The following BPTF variants were observed in gnomAD, a reference collection of about 807,000 sequenced individuals.
The protein encoded by BPTF is nucleosome-remodeling factor subunit BPTF.
BPTF carries 18 observed loss-of-function variants against 292.5 expected under a neutral mutation model. The ratio of observed to expected loss-of-function variants is 0.06; its 90% CI spans 0.04 to 0.09. The LOEUF (loss-of-function observed/expected upper bound fraction) is 0.09. BPTF is among the 10% of genes least tolerant of loss of function. The probability of loss-of-function intolerance (pLI) is 1.00; values close to 1 mark genes in which losing one functional copy is unlikely to be tolerated. For synonymous variants in BPTF, 1,225 were observed against 1,251.9 expected (o/e 0.98, Z 0.45); for missense variants, 2,726 against 3,498.7 (o/e 0.78, Z 5.57).
At chr17:67,856,244 T>C (rs867330048) in intron 2 of BPTF, among the ~76,000 whole-genome samples, 1 of 152,164 alleles carries the variant, frequency 6.6e-6, no homozygotes, top group South Asian at 2.1e-4. Context: ...AACCCTGTTA[T>C]CCAGTTTTTC....
At chr17:67,962,123 A>C (rs2067568505) in intron 24 of BPTF, among the ~76,000 whole-genome samples, 1 of 115,934 alleles carries the variant, frequency 8.6e-6, no homozygotes, top group Non-Finnish European at 2.1e-5. Context: ...AGCCTGGGCT[A>C]TACAGCGAGA....
intron 1 of BPTF, among the ~76,000 whole-genome samples, chr17:67,847,594 G>A (rs1018437887): frequency 6.7e-6 from 1 of 149,488 alleles, no homozygotes; most frequent in African/African-American, 2.5e-5. Flanking sequence ...AGAATGGCTT[G>A]AACCCAGGAG....
chr17:67,906,524 G>A lies in BPTF; in HGVS notation c.2812+1684G>A, dbSNP rs548636408. On this transcript the variant is annotated intron_variant, in intron 9 of 27. Transcript: ENST00000306378. Reference sequence around the variant, plus strand: ...AATGAGCCGATTATTTCACGAGGGTGCCAGGTGACATAGTGAAGACCACAT... The same window carrying A: ...AATGAGCCGATTATTTCACGAGGGTACCAGGTGACATAGTGAAGACCACAT... 1.4e-4 allele frequency among the ~76,000 whole-genome samples: 21 copies of A among 152,288 alleles called. 1 individual carries two copies. In the East Asian group the frequency reaches 3.7e-3, roughly 27 times the overall value.
chr17:67,892,128 T>G (rs2061155465), intron 5 of BPTF, 94 bp downstream of exon 5: 1 of 933,158 alleles, frequency 1.1e-6, no homozygotes, highest in African/African-American at 1.7e-5. Context: ...TTGTAGAAAT[T>G]TGTAGACCTA....
At chr17:67,842,015 G>A (rs1045805529) in intron 1 of BPTF, among the ~76,000 whole-genome samples, 3 of 151,964 alleles carry the variant, frequency 2.0e-5, no homozygotes, top group Non-Finnish European at 2.9e-5. Flanking sequence ...CTTAGAGTTA[G>A]CATTTTACCT....
At chr17:67,944,763 T>A (rs1329682417) in intron 20 of BPTF, among the ~76,000 whole-genome samples, 1 of 152,196 alleles carries the variant, frequency 6.6e-6, no homozygotes, top group African/African-American at 2.4e-5. Context: ...TTTGTTGACC[T>A]TCTGCTGCAA....
intron 7 of BPTF, among the ~76,000 whole-genome samples, chr17:67,901,600 A>G (rs2061847221): frequency 1.3e-5 from 2 of 152,376 alleles, no homozygotes; most frequent in East Asian, 3.8e-4. Flanking sequence ...TACAAACAAG[A>G]CAAAGGATTT....
At chr17:67,882,430 C>CA (rs2060482710) in intron 4 of BPTF, among the ~76,000 whole-genome samples, 1 of 152,156 alleles carries the variant, frequency 6.6e-6, no homozygotes, top group South Asian at 2.1e-4. Context: ...TCTTTGTTTA[C>CA]ATTTGTATAT....
At chr17:67,875,731 C>G (rs1204715903) in intron 4 of BPTF, 1 of 1,592,570 alleles carries the variant, frequency 6.3e-7, no homozygotes, top group Non-Finnish European at 8.5e-7. Context: ...CTGAGCTCCC[C>G]CAGGATGTGC....
chr17:67,895,869 C>A (rs934639699), intron 7 of BPTF, among the ~76,000 whole-genome samples: 2 of 148,134 alleles, frequency 1.4e-5, no homozygotes, highest in Non-Finnish European at 3.1e-5. Context: ...AGACTTTTAC[C>A]CTGTGTACAT....
chr17:67,964,537 A>G lies in BPTF; in HGVS notation c.8454+133A>G. 1.8e-5 allele frequency: 19 copies of G among 1,080,620 alleles called. No homozygotes were observed. In the South Asian group the frequency reaches 3.3e-4, roughly 19 times the overall value. The allele number at this position is 1,080,620 out of a possible 1,614,324, so 66.9% of individuals were successfully genotyped here. ...CCCAGCTAGTCTAGTGAAGTGCCTA[A>G]CAAACTGCAGTCCTTCACGTACCAG... On this transcript the variant is annotated intron_variant, in intron 25 of 27. Coordinates refer to ENST00000306378, the MANE Select transcript of BPTF (RefSeq NM_182641.4).
Position 67,964,130 on chromosome 17 carries a change from G to C in BPTF, c.8262-82G>C. 2.1e-6 allele frequency: 3 copies of C among 1,422,682 alleles called. No homozygotes were observed. The East Asian group carries it at 6.9e-5, about 33-fold the overall frequency. 88.1% of individuals were successfully genotyped at this position (1,422,682 alleles called of 1,614,324 possible). A position where few individuals can be genotyped will look rare whatever the true frequency, so the allele number is the denominator to read the frequency against. On this transcript the variant is annotated intron_variant, in intron 24 of 27. Coordinates refer to ENST00000306378, the MANE Select transcript of BPTF (RefSeq NM_182641.4). ...AAACTATTTTATATCCCAGGGTTTA[G>C]CAAATTTTCAGGTGCATGCTTTATT...
chr17:67,978,657 T>C (rs2069885930), intron 27 of BPTF, among the ~76,000 whole-genome samples: 2 of 152,118 alleles, frequency 1.3e-5, no homozygotes, highest in East Asian at 1.9e-4. Flanking sequence ...TGAGAATTAC[T>C]CTGACCCAAG....
intron 20 of BPTF, 132 bp downstream of exon 20, chr17:67,944,504 T>C (rs1281332613): frequency 3.0e-6 from 3 of 989,554 alleles, no homozygotes; most frequent in East Asian, 5.1e-5. Flanking sequence ...ACAGTTGACA[T>C]AGTCAGCCTC....
At chr17:67,888,585 G>A (rs8082661) in intron 4 of BPTF, among the ~76,000 whole-genome samples, 27,188 of 117,106 alleles carry the variant, frequency 0.23, 3,391 homozygotes, top group East Asian at 0.67. Flanking sequence ...ACGAGACTCC[G>A]TCTCAAAAAA....
intron 23 of BPTF, chr17:67,951,364 CAGGG>C (rs2066341063): frequency 6.6e-6 from 1 of 152,086 alleles, no homozygotes; most frequent in Non-Finnish European, 1.5e-5. Flanking sequence ...TGCTGGGAAA[CAGGG>C]AGGAAGATCA....
At chr17:67,909,450 T>C in intron 9 of BPTF, 132 bp from the exon 10 acceptor site, 3 of 443,340 alleles carry the variant, frequency 6.8e-6, no homozygotes, top group African/African-American at 2.1e-5. Flanking sequence ...ACCTTTGTCT[T>C]TTTTTTTTTT....
At chr17:67,868,229 ATCTC>A (rs2059502936) in intron 3 of BPTF, among the ~76,000 whole-genome samples, 1 of 152,138 alleles carries the variant, frequency 6.6e-6, no homozygotes, top group African/African-American at 2.4e-5. Context: ...TGAAAAATGA[ATCTC>A]TCTCCTTCAA....
intron 23 of BPTF, among the ~76,000 whole-genome samples, chr17:67,950,064 A>C (rs1218457352): frequency 2.0e-5 from 3 of 150,856 alleles, no homozygotes; most frequent in African/African-American, 7.3e-5. Flanking sequence ...AAAAAAAAAA[A>C]AAAAAAAACA....
Sources: gnomAD v4.1 joint callset for allele counts (sites outside exome capture counted in the v4.1 genomes callset) on GRCh38, gnomAD v4.1.1 for gene constraint, MANE v1.5 for transcripts, NCBI Gene and HGNC (gene_info 2026-07-23, HGNC 2026-07-21) for gene names.